The following KIF6 variants were observed in gnomAD, a reference collection of about 807,000 sequenced individuals.
KIF6 encodes the protein kinesin family member 6.
KIF6 carries 106 observed loss-of-function variants against 112.7 expected under a neutral mutation model. The observed-to-expected ratio is 0.94, with a 90% CI of 0.80 to 1.11. The LOEUF (loss-of-function observed/expected upper bound fraction) is 1.11. KIF6 is among the 50% of genes least tolerant of loss of function. The pLI is 0.00. For missense variants in KIF6, 929 were observed against 964.0 expected, an observed-to-expected ratio of 0.96 and a Z score of 0.48; for synonymous variants, 339 against 339.9, an observed-to-expected ratio of 1.00 and a Z score of 0.03.
intron 3 of KIF6, among the ~76,000 whole-genome samples, chr6:39,705,506 T>C (rs1355427179): frequency 6.6e-6 from 1 of 152,234 alleles, no homozygotes; most frequent in Non-Finnish European, 1.5e-5. Context: ...GATCATCCTC[T>C]ATCTGCCAAT....
chr6:39,575,569 T>A (rs1016053980), intron 10 of KIF6, among the ~76,000 whole-genome samples: 1 of 152,130 alleles, frequency 6.6e-6, no homozygotes, highest in Non-Finnish European at 1.5e-5. Context: ...CACGCCCGGC[T>A]GCTTCCTCTT....
At chr6:39,431,463 C>T (rs990338614) in intron 13 of KIF6, 6 of 269,748 alleles carry the variant, frequency 2.2e-5, no homozygotes, top group South Asian at 1.4e-4. Flanking sequence ...CCTGGACTGC[C>T]GAGGATGTCT....
chr6:39,350,431 A>C (rs1478021390), intron 19 of KIF6, among the ~76,000 whole-genome samples: 2 of 152,132 alleles, frequency 1.3e-5, no homozygotes, highest in Non-Finnish European at 1.5e-5. Flanking sequence ...ACCCTGGGCA[A>C]GCTACTTCAT....
chr6:39,715,038 T>C (rs887375614), intron 2 of KIF6: 11 of 289,010 alleles, frequency 3.8e-5, no homozygotes, highest in Non-Finnish European at 5.8e-5. Context: ...TAACAAATTG[T>C]GTGCTTTTTA....
chr6:39,453,673 T>C (rs58442613), intron 13 of KIF6, among the ~76,000 whole-genome samples: 4,841 of 152,324 alleles, frequency 0.032, 248 homozygotes, highest in African/African-American at 0.11. Flanking sequence ...TCATCTCTGC[T>C]TTCTGGTAAT....
At chr6:39,353,103 A>G (rs1581651192) in intron 19 of KIF6, among the ~76,000 whole-genome samples, 1 of 152,342 alleles carries the variant, frequency 6.6e-6, no homozygotes, top group South Asian at 2.1e-4. Context: ...TTGTATGGTA[A>G]GATCATATTT....
chr6:39,705,035 C>T (rs1789115548), intron 3 of KIF6, among the ~76,000 whole-genome samples: 2 of 152,152 alleles, frequency 1.3e-5, no homozygotes, highest in African/African-American at 2.4e-5. Flanking sequence ...CAAACAAATA[C>T]CAATTTCGGA....
chr6:39,449,768 T>G (rs1449704747), intron 13 of KIF6, among the ~76,000 whole-genome samples: 1 of 152,202 alleles, frequency 6.6e-6, no homozygotes, highest in Admixed American at 6.5e-5. Flanking sequence ...GGTACCAGAT[T>G]GGCACACCTG....
chr6:39,431,026 A>T (rs373184093), intron 14 of KIF6, 27 bp downstream of exon 14: 177 of 1,449,242 alleles, frequency 1.2e-4, no homozygotes, highest in Non-Finnish European at 1.6e-4. Flanking sequence ...GCCTCGGAGG[A>T]CCAGCTGCTC....
At chr6:39,584,600 C>T (rs1781511491) in intron 9 of KIF6, among the ~76,000 whole-genome samples, 1 of 151,994 alleles carries the variant, frequency 6.6e-6, no homozygotes, top group Non-Finnish European at 1.5e-5. Flanking sequence ...TGGGGAGCTG[C>T]AAGTAGGAAG....
At chr6:39,558,625 C>T (rs143588586) in intron 10 of KIF6, among the ~76,000 whole-genome samples, 1 of 152,158 alleles carries the variant, frequency 6.6e-6, no homozygotes, top group African/African-American at 2.4e-5. Context: ...AACATTAACA[C>T]TGAGAAAGCA....
At chr6:39,706,289 A>C (rs777327025) in intron 3 of KIF6, among the ~76,000 whole-genome samples, 1 of 152,208 alleles carries the variant, frequency 6.6e-6, no homozygotes, top group Admixed American at 6.5e-5. Context: ...ACCGAGATTT[A>C]GGCTCACTTT....
intron 16 of KIF6, among the ~76,000 whole-genome samples, chr6:39,364,334 T>A (rs1252738246): frequency 6.6e-6 from 1 of 152,308 alleles, no homozygotes; most frequent in East Asian, 1.9e-4. Context: ...TTGGCCAGGA[T>A]GGTCTCGATC....
chr6:39,510,900 A>T (rs1252417966), intron 13 of KIF6, among the ~76,000 whole-genome samples: 2 of 147,912 alleles, frequency 1.4e-5, no homozygotes, highest in East Asian at 3.9e-4. Context: ...AAAAAAAAGC[A>T]AGGGTTGCAA....
At chr6:39,653,243 C>T (rs751357801) in intron 3 of KIF6, among the ~76,000 whole-genome samples, 8 of 151,988 alleles carry the variant, frequency 5.3e-5, no homozygotes, top group Non-Finnish European at 8.8e-5. Context: ...TTACATAGCA[C>T]AATCTTGCAA....
chr6:39,362,081 T>C (rs1765200148), intron 17 of KIF6, among the ~76,000 whole-genome samples: 1 of 152,130 alleles, frequency 6.6e-6, no homozygotes, highest in African/African-American at 2.4e-5. Context: ...CCCAAATGCC[T>C]GCGGCTGCGT....
intron 13 of KIF6, among the ~76,000 whole-genome samples, chr6:39,445,045 C>T (rs1457322212): frequency 2.0e-5 from 3 of 152,126 alleles, no homozygotes; most frequent in Admixed American, 6.5e-5. Context: ...TGTAGTGAAT[C>T]CTTGACTCTG....
intron 13 of KIF6, among the ~76,000 whole-genome samples, chr6:39,534,408 G>A (rs1354038629): frequency 6.6e-6 from 1 of 152,212 alleles, no homozygotes; most frequent in Non-Finnish European, 1.5e-5. Context: ...AGAACTACAT[G>A]AAGAATGCAG....
At chr6:39,346,336 A>G (rs1255612346) in intron 20 of KIF6, 140 bp downstream of exon 20, 1 of 702,492 alleles carries the variant, frequency 1.4e-6, no homozygotes, top group African/African-American at 1.7e-5. Flanking sequence ...TTGGGTGGTG[A>G]TTAAGTCATG....
Sources: gnomAD v4.1 joint callset for allele counts (sites outside exome capture counted in the v4.1 genomes callset) on GRCh38, gnomAD v4.1.1 for gene constraint, MANE v1.5 for transcripts, NCBI Gene and HGNC (gene_info 2026-07-23, HGNC 2026-07-21) for gene names.